Variants in EIF2D observed in about 807,000 individuals in gnomAD.
EIF2D encodes hepatocellular carcinoma-associated antigen 56.
In EIF2D, 56 loss-of-function variants were observed where a neutral mutation model predicts 77.4. The observed-to-expected ratio is 0.72, with a 90% CI of 0.58 to 0.90. EIF2D has a LOEUF of 0.90. Ranked by LOEUF, EIF2D falls within the 40% of genes least tolerant of loss-of-function variation. The pLI is 0.00. For synonymous variants in EIF2D, 230 were observed against 271.0 expected (o/e 0.85, Z 1.49); for missense variants, 574 against 706.5 (o/e 0.81, Z 2.13).
chr1:206,584,883 C>T lies in EIF2D; in HGVS notation c.139-3721G>A, dbSNP rs1281033044. 1.3e-5 allele frequency: 8 copies of T among 627,290 alleles called. No homozygotes were observed. The highest frequency in any genetic ancestry group is 1.1e-4 in the African/African-American group (6 of 54,260). 38.9% of individuals were successfully genotyped at this position (627,290 alleles called of 1,614,324 possible). ...GAGTCCCTGACTCTGCATGTGACTT[C>T]AGGAAAACCACACCCTAGGCTCCCA... On this transcript the variant is annotated intron_variant and NMD_transcript_variant, in intron 2 of 5. Coordinates refer to the EIF2D transcript ENST00000472709. This position sits in a 1 kb window ranked among gnomAD's most constrained non-coding sequence, Gnocchi z 4.9.
chr1:206,602,620 G>T, intron 6 of EIF2D, 167 bp from the exon 7 acceptor site: 1 of 663,966 alleles, frequency 1.5e-6, no homozygotes, highest in East Asian at 2.7e-5. Flanking sequence ...CTTTAAAGAG[G>T]GTTGACCCCA....
At position 206,582,848 on chromosome 1, in the gene EIF2D, A is replaced by G. The variant is rs782748968; in HGVS notation, c.139-1686T>C. Among the ~76,000 whole-genome samples the G allele has an allele frequency of 4.9e-4, 75 of 152,342 alleles. 1 individual carries two copies. Among genetic ancestry groups the G allele is most frequent in the Non-Finnish European group, 5.7e-4 (39 of 68,028 alleles). On this transcript the variant is annotated intron_variant and NMD_transcript_variant, in intron 2 of 5. Transcript: ENST00000472709. ...TGTGTTGTTACTTCCTTGAGGAGAC[A>G]GACCATGGCTTGTATTTCTTTGCAT...
chr1:206,595,122 G>C (rs181103507), intron 13 of EIF2D: 1 of 152,340 alleles, frequency 6.6e-6, no homozygotes, highest in Admixed American at 6.5e-5. Flanking sequence ...TTTGAACCCA[G>C]TACTATCCAA....
Position 206,592,617 on chromosome 1 carries a change from G to A in EIF2D, c.1685-772C>T, listed in dbSNP as rs1421193986. On this transcript the variant is annotated intron_variant, in intron 14 of 14. Transcript: ENST00000271764. This position sits in a 1 kb window ranked among gnomAD's most constrained non-coding sequence, Gnocchi z 4.7. ...AGAGAGCCTGGCAGGGAAGGCTGGG[G>A]TCAGGCTGGGAGGGTCTTGTTTATT... 3.9e-5 allele frequency among the ~76,000 whole-genome samples: 6 copies of A among 152,246 alleles called. No individual in the cohort carries two copies. Among genetic ancestry groups the A allele is most frequent in the African/African-American group, 1.4e-4 (6 of 41,472 alleles).
chr1:206,605,282 G>T, intron 5 of EIF2D, 118 bp downstream of exon 5: 3 of 591,502 alleles, frequency 5.1e-6, no homozygotes, highest in Non-Finnish European at 8.6e-6. Flanking sequence ...AAAAGTCTGG[G>T]CTTAGCAACT....
chr1:206,595,659 C>A (rs1553409870), intron 13 of EIF2D, 59 bp downstream of exon 13: 4 of 1,582,528 alleles, frequency 2.5e-6, no homozygotes, highest in East Asian at 2.3e-5. Context: ...TTAGGGAGAC[C>A]AGAACTTGGC....
At chr1:206,595,549 T>C (rs782280565) in intron 13 of EIF2D, 169 bp downstream of exon 13, 2 of 702,060 alleles carry the variant, frequency 2.8e-6, no homozygotes, top group Non-Finnish European at 4.3e-6. Context: ...GGGTCAGCTT[T>C]ACCTGTTTCA....
downstream of EIF2D, chr1:206,589,352 C>T (rs11119102): frequency 0.076 from 11,676 of 152,768 alleles, 502 homozygotes; most frequent in East Asian, 0.12. Flanking sequence ...TGAGAATGGA[C>T]ATGATCACAT....
chr1:206,585,555 A>G (rs1669080671), intron 2 of EIF2D: 1 of 307,422 alleles, frequency 3.3e-6, no homozygotes, highest in Non-Finnish European at 6.1e-6. Flanking sequence ...TTTATTTCTG[A>G]AAACTCAGGG....
intron 4 of EIF2D, 85 bp downstream of exon 4, chr1:206,608,151 C>A: frequency 7.5e-7 from 1 of 1,329,592 alleles, no homozygotes; most frequent in South Asian, 1.3e-5. Flanking sequence ...CTCTTTTGTT[C>A]ATATGCTTTA....
rs575540241 is a variant in EIF2D, at chr1:206,606,729, T to G, written c.423-1222A>C. On this transcript the variant is annotated intron_variant, in intron 4 of 14. Transcript: ENST00000271764. ...TCCCATGCCTACCATCGCTCTTTCC[T>G]TCTCTCTCAAAGAAGAAATTATCAA... 2.6e-5 allele frequency among the ~76,000 whole-genome samples: 4 copies of G among 152,294 alleles called. No homozygotes were observed. The South Asian group carries it at 8.3e-4, about 32-fold the overall frequency.
At chr1:206,611,553 G>A (rs1299200644) in intron 1 of EIF2D, among the ~76,000 whole-genome samples, 179 bp from the exon 2 acceptor site, 3 of 152,168 alleles carry the variant, frequency 2.0e-5, no homozygotes, top group African/African-American at 4.8e-5. Flanking sequence ...TTCATCCATT[G>A]TCATCTATTT....
chr1:206,597,036 C>T (rs1277757244), intron 12 of EIF2D, 64 bp downstream of exon 12: 4 of 1,217,584 alleles, frequency 3.3e-6, no homozygotes, highest in African/African-American at 1.5e-5. Context: ...TATTAAAGTT[C>T]AATGTGATCA....
Position 206,609,447 on chromosome 1 carries a change from C to A in EIF2D, c.260G>T (p.Trp87Leu). The A allele has an allele frequency of 6.2e-7, 1 of 1,614,108 alleles. No homozygotes were observed. Among genetic ancestry groups the A allele is most frequent in the Non-Finnish European group, 8.5e-7 (1 of 1,179,986 alleles). Reference protein sequence around the residue: ...KNLYPTVYTLWSYPDLLPTFT... With the variant: ...KNLYPTVYTLLSYPDLLPTFT... The stretch of plus-strand genomic sequence containing the variant: ...GGTTGGCAGAAGATCAGGATAGGAC[C>A]ACAGCGTGTACACTGTACAAAAAGA... Residue 87 changes from tryptophan (W) to leucine (L), a missense_variant, in exon 3 of 15, where the codon TGG becomes TTG. Trp to Leu is a moderately conservative substitution (Grantham distance 61). Coordinates refer to ENST00000271764, the MANE Select transcript of EIF2D (RefSeq NM_006893.3).
intron 14 of EIF2D, 115 bp downstream of exon 14, chr1:206,593,504 A>AGTGTGTGTGTGCGTGTGTGT (rs1476375070): frequency 6.7e-5 from 27 of 404,846 alleles, no homozygotes; most frequent in South Asian, 1.1e-4. Context: ...AGAGAGAGAG[A>AGTGTGTGTGTGCGTGTGTGT]GAGAGTGTGT....
chr1:206,591,938 C>T (rs1426339623), intron 14 of EIF2D, 93 bp from the exon 15 acceptor site: 1 of 1,240,774 alleles, frequency 8.1e-7, no homozygotes, highest in Non-Finnish European at 1.2e-6. Flanking sequence ...AATGTCATTC[C>T]ACCCAGCTCA....
Position 206,599,229 on chromosome 1 carries a change from G to T in EIF2D, c.1203-137C>A. 1.1e-6 allele frequency: 1 copy of T among 909,576 alleles called. No individual in the cohort carries two copies. The highest frequency in any genetic ancestry group is 1.6e-5 in the South Asian group (1 of 61,496). The allele number at this position is 909,576 out of a possible 1,614,324, so 56.3% of individuals were successfully genotyped here. On this transcript the variant is annotated intron_variant, in intron 10 of 14. Transcript: ENST00000271764. This position sits in a 1 kb window ranked among gnomAD's most constrained non-coding sequence, Gnocchi z 4.1. Reference sequence around the variant, plus strand: ...TCTAGTTTCTTCCCTTTTCCTGACTGAAGTGAGCATGACCATGTGAAGAAT... The same window carrying T: ...TCTAGTTTCTTCCCTTTTCCTGACTTAAGTGAGCATGACCATGTGAAGAAT...
chr1:206,602,614 A>T (rs1669978372), intron 6 of EIF2D, 161 bp from the exon 7 acceptor site: 1 of 679,042 alleles, frequency 1.5e-6, no homozygotes, highest in East Asian at 2.6e-5. Flanking sequence ...CTGAGCCTTT[A>T]AAGAGGGTTG....
chr1:206,599,650 T>C lies in EIF2D; in HGVS notation c.1053-38A>G, dbSNP rs1669824131. The C allele has an allele frequency of 1.2e-6, 2 of 1,606,574 alleles. No homozygotes were observed. The highest frequency in any genetic ancestry group is 1.7e-5 in the Admixed American group (1 of 58,276). ...AGAAGGAAAGAAAAAACACATTTTA[T>C]ACTAGCATCTCAGCAATCCCCAGTC... On this transcript the variant is annotated intron_variant, in intron 9 of 14. Coordinates refer to ENST00000271764, the MANE Select transcript of EIF2D (RefSeq NM_006893.3). This position sits in a 1 kb window ranked among gnomAD's most constrained non-coding sequence, Gnocchi z 4.1.
Sources: gnomAD v4.1 joint callset for allele counts (sites outside exome capture counted in the v4.1 genomes callset) on GRCh38, gnomAD v4.1.1 for gene constraint, Gnocchi (gnomAD v3.1) non-coding constraint, MANE v1.5 for transcripts, NCBI Gene and HGNC (gene_info 2026-07-23, HGNC 2026-07-21) for gene names.